DYTN: variants seen among roughly 807,000 people sequenced by gnomAD.
DYTN encodes dystrotelin.
DYTN carries 75 observed loss-of-function variants against 69.6 expected under a neutral mutation model. That is an observed-to-expected ratio of 1.08 (90% CI 0.89 to 1.31). DYTN has a LOEUF of 1.31. DYTN is among the 50% of genes most tolerant of loss of function. The pLI is 0.00. For synonymous variants in DYTN, 252 were observed against 249.1 expected (o/e 1.01, Z -0.11); for missense variants, 726 against 688.4 (o/e 1.05, Z -0.61).
chr2:206,659,496 A>G (rs1699485257), intron 11 of DYTN, among the ~76,000 whole-genome samples: 1 of 150,264 alleles, frequency 6.7e-6, no homozygotes, highest in Non-Finnish European at 1.5e-5. Flanking sequence ...AAAAAAAAAA[A>G]AAAAAAAAAA....
intron 9 of DYTN, among the ~76,000 whole-genome samples, chr2:206,675,141 GTGTGTA>G (rs767947646): frequency 0.028 from 3,936 of 141,046 alleles, 83 homozygotes; most frequent in South Asian, 0.054. Context: ...GTGTGTGTGT[GTGTGTA>G]TATATGTGTA....
At chr2:206,660,439 G>T (rs947989160) in intron 11 of DYTN, among the ~76,000 whole-genome samples, 1 of 152,134 alleles carries the variant, frequency 6.6e-6, no homozygotes, top group African/African-American at 2.4e-5. Flanking sequence ...TGTGAGGGCT[G>T]ACCCAACACA....
intron 8 of DYTN, 24 bp from the exon 9 acceptor site, chr2:206,693,347 A>C: frequency 6.2e-7 from 1 of 1,606,490 alleles, no homozygotes; most frequent in East Asian, 2.2e-5. Context: ...CAACATTTTT[A>C]AAAAGCGTCA....
intron 10 of DYTN, among the ~76,000 whole-genome samples, chr2:206,664,104 C>G (rs766412520): frequency 6.7e-6 from 1 of 150,298 alleles, no homozygotes; most frequent in Non-Finnish European, 1.5e-5. Context: ...TGCTTAAGAA[C>G]ACCTTTGATG....
chr2:206,716,637 C>G (rs1004428098), intron 1 of DYTN, among the ~76,000 whole-genome samples: 3 of 151,618 alleles, frequency 2.0e-5, no homozygotes, highest in African/African-American at 7.3e-5. Context: ...TCAGAAACTC[C>G]TCTGTCCTAT....
At position 206,693,216 on chromosome 2, in the gene DYTN, G is replaced by A. The variant is rs199695763; in HGVS notation, c.939C>T (p.Asp313=). 15 of 1,613,212 alleles carry A rather than the reference G, an allele frequency of 9.3e-6. No individual in the cohort carries two copies. Among genetic ancestry groups the A allele is most frequent in the African/African-American group, 5.3e-5 (4 of 75,042 alleles). ...GAGGCACACCCTTTGGATTCACCTG[G>A]TCCAGCAGCTGCTGCCTTCTCGCTG... ...KEAARRQQLL[D]QVNPKGVPHH... The change falls in exon 9 of 12, where the codon GAC becomes GAT. Residue 313 remains aspartate (D), a synonymous_variant. Coordinates refer to ENST00000452335, the MANE Select transcript of DYTN (RefSeq NM_001093730.1).
intron 1 of DYTN, among the ~76,000 whole-genome samples, chr2:206,714,302 A>G (rs12621179): frequency 0.11 from 16,753 of 152,178 alleles, 1,725 homozygotes; most frequent in East Asian, 0.52. Flanking sequence ...TCCCGGGTTC[A>G]TGCCAATCTC....
chr2:206,664,480 G>A (rs1447546939), intron 10 of DYTN, among the ~76,000 whole-genome samples: 1 of 152,004 alleles, frequency 6.6e-6, no homozygotes, highest in African/African-American at 2.4e-5. Context: ...AACATAGTGA[G>A]ACCCCCTCCC....
Position 206,697,336 on chromosome 2 carries a change from A to G in DYTN, c.719+2391T>C, listed in dbSNP as rs1008419596. 4.6e-5 allele frequency among the ~76,000 whole-genome samples: 7 copies of G among 152,278 alleles called. No homozygotes were observed. In the Middle Eastern group the frequency reaches 0.02, roughly 444 times the overall value. ...CTTCCATGGCTATCACAGAGCAAAA[A>G]TGCTGACATGTCCTTCTAGAATTTT... is the stretch of plus-strand genomic sequence containing the variant. On this transcript the variant is annotated intron_variant, in intron 7 of 11. Coordinates refer to ENST00000452335, the MANE Select transcript of DYTN (RefSeq NM_001093730.1).
intron 2 of DYTN, among the ~76,000 whole-genome samples, chr2:206,708,924 G>A (rs771637828): frequency 3.3e-5 from 5 of 152,110 alleles, no homozygotes; most frequent in Admixed American, 6.6e-5. Flanking sequence ...ATTACGCTAC[G>A]GAACATACTC....
chr2:206,706,498 A>T (rs1025769564), intron 3 of DYTN, among the ~76,000 whole-genome samples: 2 of 113,536 alleles, frequency 1.8e-5, no homozygotes, highest in African/African-American at 2.7e-5. Flanking sequence ...AAAAAATTAA[A>T]AAAAAAAAAA....
chr2:206,690,347 G>C (rs1699851801), intron 9 of DYTN, among the ~76,000 whole-genome samples: 1 of 152,226 alleles, frequency 6.6e-6, no homozygotes, highest in Non-Finnish European at 1.5e-5. Context: ...AGGACCAAGA[G>C]CTGGTGGGGA....
intron 1 of DYTN, among the ~76,000 whole-genome samples, chr2:206,717,079 A>ACACACACACAC (rs1194032966): frequency 0.045 from 6,132 of 136,758 alleles, 153 homozygotes; most frequent in African/African-American, 0.063. Context: ...CACACACACA[A>ACACACACACAC]AACAAACTCA....
At chr2:206,678,134 C>T (rs1699710382) in intron 9 of DYTN, among the ~76,000 whole-genome samples, 1 of 152,132 alleles carries the variant, frequency 6.6e-6, no homozygotes, top group Non-Finnish European at 1.5e-5. Flanking sequence ...GTAAATCAAA[C>T]TGATTCATCA....
chr2:206,657,017 T>A (rs1248718441), intron 11 of DYTN, among the ~76,000 whole-genome samples: 2 of 151,958 alleles, frequency 1.3e-5, no homozygotes, highest in Non-Finnish European at 2.9e-5. Flanking sequence ...CCACCTCGGC[T>A]TCCCAAAGTG....
At position 206,660,868 on chromosome 2, in the gene DYTN, G is replaced by A. The variant is rs367829273; in HGVS notation, c.1633+2035C>T. 3.2e-4 allele frequency among the ~76,000 whole-genome samples: 48 copies of A among 152,142 alleles called. No individual in the cohort carries two copies. The East Asian group carries it at 3.9e-3, about 12-fold the overall frequency. ...GCAAAGCTGACATTATTATGTACTC[G>A]GTTTATAGCCCTCCAACACTTATGG... is the stretch of plus-strand genomic sequence containing the variant. On this transcript the variant is annotated intron_variant, in intron 11 of 11. Transcript: ENST00000452335.
chr2:206,698,955 T>C (rs1699948339), intron 7 of DYTN, among the ~76,000 whole-genome samples: 1 of 152,240 alleles, frequency 6.6e-6, no homozygotes, highest in Non-Finnish European at 1.5e-5. Flanking sequence ...GCTAATCATG[T>C]AGGTTATTTA....
chr2:206,665,955 C>T lies in DYTN; in HGVS notation c.1055G>A (p.Cys352Tyr). 6.2e-7 allele frequency: 1 copy of T among 1,613,894 alleles called. No individual in the cohort carries two copies. Among genetic ancestry groups the T allele is most frequent in the Non-Finnish European group, 8.5e-7 (1 of 1,179,844 alleles). The change falls in exon 10 of 12, where the codon TGT becomes TAT. Residue 352 changes from cysteine to tyrosine, a missense_variant. Cys to Tyr is a radical substitution (Grantham distance 194). Coordinates refer to ENST00000452335, the MANE Select transcript of DYTN (RefSeq NM_001093730.1). ...AIYTSQEERICRFETRIHKLK... is the reference protein window; with the variant it reads ...AIYTSQEERIYRFETRIHKLK... ...TTTGTGAATCCTTGTTTCAAATCGA[C>T]AAATTCTTTCTTCCTGGGAGGTGTA... is the stretch of plus-strand genomic sequence containing the variant.
At chr2:206,684,660 G>A in intron 9 of DYTN, among the ~76,000 whole-genome samples, 1 of 151,990 alleles carries the variant, frequency 6.6e-6, no homozygotes, top group East Asian at 1.9e-4. Context: ...CATCTTTTTG[G>A]GTGTCTAAGG....
Sources: gnomAD v4.1 joint callset for allele counts (sites outside exome capture counted in the v4.1 genomes callset) on GRCh38, gnomAD v4.1.1 for gene constraint, MANE v1.5 for transcripts, NCBI Gene and HGNC (gene_info 2026-07-23, HGNC 2026-07-21) for gene names.